Variants in CLASP2 observed in about 807,000 individuals in gnomAD.
The protein encoded by CLASP2 is cytoplasmic linker associated protein 2.
A neutral mutation model predicts 194.4 loss-of-function variants in CLASP2; 47 were observed. The observed-to-expected ratio is 0.24, with a 90% CI of 0.19 to 0.31. The LOEUF (loss-of-function observed/expected upper bound fraction) is 0.31, where lower values mean the gene tolerates loss of function less well. Ranked by LOEUF, CLASP2 falls within the 10% of genes least tolerant of loss-of-function variation. CLASP2 has a pLI of 1.00. For missense variants in CLASP2, 1,445 were observed against 1,823.6 expected, an observed-to-expected ratio of 0.79 and a Z score of 3.78; for synonymous variants, 619 against 633.5, an observed-to-expected ratio of 0.98 and a Z score of 0.34.
chr3:33,583,473 A>G (rs1459505059), intron 22 of CLASP2, among the ~76,000 whole-genome samples: 1 of 152,216 alleles, frequency 6.6e-6, no homozygotes, highest in African/African-American at 2.4e-5. Flanking sequence ...ACAGTACACT[A>G]GGTGTCTTGG....
intron 38 of CLASP2, among the ~76,000 whole-genome samples, chr3:33,500,136 A>G (rs796548542): frequency 3.9e-5 from 6 of 152,008 alleles, no homozygotes; most frequent in African/African-American, 1.4e-4. Context: ...GGGCTCAGGC[A>G]ATCCTTTCAC....
intron 35 of CLASP2, among the ~76,000 whole-genome samples, 178 bp from the exon 36 acceptor site, chr3:33,516,329 C>T (rs1028276552): frequency 6.6e-6 from 1 of 152,058 alleles, no homozygotes; most frequent in Non-Finnish European, 1.5e-5. Flanking sequence ...TTATATTATA[C>T]TTATTTTATT....
intron 2 of CLASP2, among the ~76,000 whole-genome samples, chr3:33,693,337 G>C (rs1006152512): frequency 1.3e-5 from 2 of 151,990 alleles, no homozygotes; most frequent in African/African-American, 4.8e-5. Flanking sequence ...AATAACCCGA[G>C]TGCACCAAAA....
chr3:33,650,452 G>T (rs2082986489), intron 7 of CLASP2, among the ~76,000 whole-genome samples: 1 of 152,166 alleles, frequency 6.6e-6, no homozygotes, highest in Admixed American at 6.5e-5. Context: ...ATTGGGTGCA[G>T]AAACTGAACA....
At chr3:33,629,030 T>G (rs2078573911) in intron 9 of CLASP2, among the ~76,000 whole-genome samples, 1 of 151,780 alleles carries the variant, frequency 6.6e-6, no homozygotes, top group African/African-American at 2.4e-5. Context: ...AATCCCAAAC[T>G]GGTTGATTTT....
chr3:33,567,352 G>C (rs2062930345), intron 26 of CLASP2, among the ~76,000 whole-genome samples: 2 of 152,196 alleles, frequency 1.3e-5, no homozygotes, highest in Admixed American at 1.3e-4. Context: ...AGATTCAACT[G>C]TGCCTCATTT....
intron 24 of CLASP2, 88 bp downstream of exon 24, chr3:33,576,081 C>G: frequency 1.0e-6 from 1 of 957,020 alleles, no homozygotes; most frequent in Admixed American, 2.4e-5. Context: ...TTTTCCCCAA[C>G]CCCTTTCCCA....
intron 12 of CLASP2, among the ~76,000 whole-genome samples, chr3:33,612,544 G>T (rs984081197): frequency 6.6e-6 from 1 of 152,150 alleles, no homozygotes; most frequent in Non-Finnish European, 1.5e-5. Flanking sequence ...TGGCTGAATC[G>T]TATCTCTCTA....
At chr3:33,673,055 A>C (rs1368629580) in intron 6 of CLASP2, among the ~76,000 whole-genome samples, 1 of 152,228 alleles carries the variant, frequency 6.6e-6, no homozygotes, top group Non-Finnish European at 1.5e-5. Context: ...CAATCTAGCA[A>C]GGCAGGCCAA....
chr3:33,641,440 A>AT (rs1328265949), intron 8 of CLASP2, among the ~76,000 whole-genome samples: 1 of 151,966 alleles, frequency 6.6e-6, no homozygotes, highest in Non-Finnish European at 1.5e-5. Context: ...CATAATATGG[A>AT]TTTTTATAGC....
chr3:33,538,708 T>A, intron 33 of CLASP2, 81 bp downstream of exon 33: 1 of 1,212,782 alleles, frequency 8.2e-7, no homozygotes, highest in Non-Finnish European at 1.1e-6. Context: ...TATTCAAAAA[T>A]GACAGAAAGC....
intron 8 of CLASP2, among the ~76,000 whole-genome samples, chr3:33,635,441 G>A (rs1392514452): frequency 6.6e-6 from 1 of 152,136 alleles, no homozygotes; most frequent in East Asian, 1.9e-4. Flanking sequence ...CTGTCTGGAA[G>A]AGCAATAGGC....
chr3:33,506,377 C>CAAAAAA lies in CLASP2; in HGVS notation c.4317+4180_4317+4181insTTTTTT, dbSNP rs2048189726. On this transcript the variant is annotated intron_variant, in intron 37 of 38. Coordinates refer to ENST00000682230, the MANE Select transcript of CLASP2 (RefSeq NM_001365631.1). ...TGGGTGACAGAGTGAGACTCTGTCT[C>CAAAAAA]GAAAAAAAAAAAAAAAAAAAAAAAA... Among the ~76,000 whole-genome samples the CAAAAAA allele has an allele frequency of 6.5e-4, 40 of 61,880 alleles. 8 individuals carry two copies. The highest frequency in any genetic ancestry group is 1.2e-3 in the East Asian group (2 of 1,678). 40.6% of individuals were successfully genotyped at this position (61,880 alleles called of 152,430 possible).
At chr3:33,600,629 T>C (rs1216984645) in intron 18 of CLASP2, among the ~76,000 whole-genome samples, 1 of 152,176 alleles carries the variant, frequency 6.6e-6, no homozygotes, top group East Asian at 1.9e-4. Context: ...CCTTTGTATA[T>C]ATCACACCAG....
intron 32 of CLASP2, among the ~76,000 whole-genome samples, chr3:33,541,319 C>T (rs1282442397): frequency 1.3e-5 from 2 of 152,090 alleles, no homozygotes; most frequent in South Asian, 2.1e-4. Flanking sequence ...CCAGCCCCAA[C>T]TCCTTCTTAA....
intron 19 of CLASP2, among the ~76,000 whole-genome samples, chr3:33,595,539 A>G (rs2070055772): frequency 6.6e-6 from 1 of 152,108 alleles, no homozygotes; most frequent in Middle Eastern, 3.2e-3. Flanking sequence ...TGTCAATGAA[A>G]TCTATAAAAA....
intron 6 of CLASP2, among the ~76,000 whole-genome samples, chr3:33,673,793 C>T (rs903754771): frequency 6.6e-6 from 1 of 152,132 alleles, no homozygotes; most frequent in Admixed American, 6.5e-5. Context: ...GGTTGCAATC[C>T]TAGTCTCTGA....
Position 33,498,671 on chromosome 3 carries a change from C to T in CLASP2, c.4481G>A (p.Gly1494Glu), listed in dbSNP as rs758234415. The T allele has an allele frequency of 2.5e-6, 4 of 1,613,322 alleles. No homozygotes were observed. Among genetic ancestry groups the T allele is most frequent in the South Asian group, 1.1e-5 (1 of 91,052 alleles). Reference sequence around the variant, plus strand: ...AACATCAGTAGTGGGATCAGCTCCTCCAGAACCTGTTTGTGCACGTTTGAT... The same window carrying T: ...AACATCAGTAGTGGGATCAGCTCCTTCAGAACCTGTTTGTGCACGTTTGAT... ...LYIKRAQTGS[G>E]GADPTTDVSG... Residue 1494 changes from glycine to glutamate, a missense_variant, in exon 39 of 39, where the codon GGA (glycine) becomes GAA (glutamate). Around this residue, in one of 4 missense-constraint regions of CLASP2, gnomAD observed 732 missense variants for 987.9 expected, o/e 0.74. Transcript: ENST00000682230.
chr3:33,717,041 A>G (rs547928481), intron 1 of CLASP2, among the ~76,000 whole-genome samples: 5 of 152,318 alleles, frequency 3.3e-5, no homozygotes, highest in Admixed American at 2.0e-4. Context: ...TGGCCTCCCA[A>G]CGCGGCTACA....
Sources: allele counts gnomAD v4.1 joint callset (sites outside exome capture counted in the v4.1 genomes callset), GRCh38; gene constraint gnomAD v4.1.1; regional missense constraint gnomAD v4.1.1; transcripts MANE v1.5; gene names NCBI Gene and HGNC (gene_info 2026-07-23, HGNC 2026-07-21).